Variants in CCN5 observed in about 807,000 individuals in gnomAD.
CCN5 encodes the protein CCN family member 5.
CCN5 carries 17 observed loss-of-function variants against 18.7 expected under a neutral mutation model. That is an observed-to-expected ratio of 0.91 (90% confidence interval 0.62 to 1.36). The LOEUF (loss-of-function observed/expected upper bound fraction) is 1.36. Among genes scored for constraint, CCN5 ranks in the 40% most tolerant of loss-of-function variants. CCN5 has a pLI of 0.00. For missense variants in CCN5, 367 were observed against 342.9 expected, an observed-to-expected ratio of 1.07 and a Z score of -0.56; for synonymous variants, 135 against 145.2, an observed-to-expected ratio of 0.93 and a Z score of 0.50.
Position 44,715,444 on chromosome 20 carries a change from C to T in CCN5, c.54C>T (p.Leu18=), listed in dbSNP as rs764095479. 9.4e-6 allele frequency: 15 copies of T among 1,594,518 alleles called. No homozygotes were observed. The African/African-American group carries it at 1.7e-4, about 19-fold the overall frequency. Residue 18 remains leucine, a synonymous_variant, in exon 1 of 4, where the codon CTC becomes CTT. Transcript: ENST00000190983. ...TGGCCTTCTCCCTCCTCTGCCTCCT[C>T]TCAAAGGTAAGGAGGCCCGGGCCCT... is the stretch of plus-strand genomic sequence containing the variant. ...HLLAFSLLCL[L]SKVRTQLCPT... is the part of the protein sequence containing the mutation.
chr20:44,724,952 C>A lies in CCN5; in HGVS notation c.492C>A (p.Gly164=). ...LGKCCPEWVC[G]QGGGLGTQPL... The stretch of plus-strand genomic sequence containing the variant: ...AGTGCTGCCCTGAGTGGGTGTGCGG[C>A]CAAGGAGGGGGACTGGGGACCCAGC... The change falls in exon 3 of 4, where the codon GGC becomes GGA. Residue 164 remains glycine, a synonymous_variant. Coordinates refer to ENST00000190983, the MANE Select transcript of CCN5 (RefSeq NM_003881.4). 1 of 1,596,514 alleles carries A rather than the reference C, an allele frequency of 6.3e-7. No homozygotes were observed. Among genetic ancestry groups the A allele is most frequent in the Non-Finnish European group, 8.5e-7 (1 of 1,172,826 alleles).
chr20:44,722,014 C>T (rs1410412072), intron 2 of CCN5, among the ~76,000 whole-genome samples: 1 of 152,204 alleles, frequency 6.6e-6, no homozygotes, highest in Non-Finnish European at 1.5e-5. Context: ...AGGGATTTTT[C>T]TTATTCCATC....
At chr20:44,725,411 C>G (rs1467298721) in intron 3 of CCN5, among the ~76,000 whole-genome samples, 1 of 151,932 alleles carries the variant, frequency 6.6e-6, no homozygotes, top group East Asian at 1.9e-4. Flanking sequence ...GCACTCCAGC[C>G]TGGCCGACAA....
intron 3 of CCN5, 81 bp downstream of exon 3, chr20:44,725,073 C>G (rs952304776): frequency 2.1e-6 from 3 of 1,430,466 alleles, no homozygotes; most frequent in African/African-American, 1.4e-5. Flanking sequence ...TGGGGGGCGG[C>G]TTCCTGGGTA....
intron 1 of CCN5, 38 bp downstream of exon 1, chr20:44,715,488 T>A: frequency 6.4e-7 from 1 of 1,568,066 alleles, no homozygotes; most frequent in Non-Finnish European, 8.7e-7. Flanking sequence ...CTGCTGACTA[T>A]TTGGGTGTGG....
intron 1 of CCN5, among the ~76,000 whole-genome samples, chr20:44,717,585 T>C (rs973076203): frequency 6.6e-6 from 1 of 152,096 alleles, no homozygotes; most frequent in African/African-American, 2.4e-5. Context: ...TTTATGAAAA[T>C]GCAGATTCGG....
At chr20:44,719,466 G>A (rs1340601987) in intron 1 of CCN5, among the ~76,000 whole-genome samples, 1 of 152,128 alleles carries the variant, frequency 6.6e-6, no homozygotes, top group African/African-American at 2.4e-5. Context: ...ACCAGCCTGG[G>A]TAACATGGTG....
At position 44,727,673 on chromosome 20, in the gene CCN5, T is replaced by C. The variant is rs1353126894; in HGVS notation, c.*366T>C. 3 of 549,194 alleles carry C rather than the reference T, an allele frequency of 5.5e-6. No individual in the cohort carries two copies. The highest frequency in any genetic ancestry group is 3.9e-5 in the African/African-American group (2 of 51,338). 34.0% of individuals were successfully genotyped at this position (549,194 alleles called of 1,614,324 possible). On this transcript the variant is annotated 3_prime_UTR_variant, in exon 4 of 4. Transcript: ENST00000190983. ...AGATGGGACAAGCAGTCCCTTAATA[T>C]TGAGGCTGCAGCAGGTGCTGGGCTG... is the stretch of plus-strand genomic sequence containing the variant.
chr20:44,720,217 G>A (rs2065889983), intron 2 of CCN5, 104 bp downstream of exon 2: 12 of 1,230,862 alleles, frequency 9.7e-6, no homozygotes, highest in Admixed American at 2.3e-5. Flanking sequence ...CTCCTTGGGT[G>A]CTCACTTCAG....
Position 44,727,515 on chromosome 20 carries a change from C to A in CCN5, c.*208C>A. ...ATGGCAGAGGTGCAAGACCTAGTCC[C>A]CTTTCCTCTAACTCACTGCCTAGGA... On this transcript the variant is annotated 3_prime_UTR_variant, in exon 4 of 4. Transcript: ENST00000190983. The A allele has an allele frequency of 1.4e-6, 2 of 1,388,788 alleles. No homozygotes were observed. Among genetic ancestry groups the A allele is most frequent in the African/African-American group, 3.0e-5 (2 of 67,354 alleles). 86.0% of individuals were successfully genotyped at this position (1,388,788 alleles called of 1,614,324 possible).
chr20:44,718,194 C>T (rs1443917334), intron 1 of CCN5, among the ~76,000 whole-genome samples: 1 of 152,184 alleles, frequency 6.6e-6, no homozygotes, highest in African/African-American at 2.4e-5. Context: ...TTGTGGCCCC[C>T]ACCAGAGGCT....
intron 3 of CCN5, among the ~76,000 whole-genome samples, chr20:44,725,309 G>T (rs2065929260): frequency 6.6e-6 from 1 of 152,098 alleles, no homozygotes; most frequent in Non-Finnish European, 1.5e-5. Context: ...ATGGTGGCGG[G>T]CATCTGTAGT....
intron 3 of CCN5, 126 bp downstream of exon 3, chr20:44,725,118 G>T (rs1241398417): frequency 6.1e-6 from 8 of 1,303,386 alleles, no homozygotes; most frequent in Non-Finnish European, 8.0e-6. Context: ...GCTGGGAGGG[G>T]CGGAGGCTGA....
chr20:44,724,745 GGAC>G lies in CCN5; in HGVS notation c.289_291del (p.Asp97del), dbSNP rs1489850898. ...GCGGTTTTTCCTCCGCAGTGGCAGA[GGAC>G]GACAGCAGCTGTGAGGTGAACGGCC... On this transcript the variant is annotated inframe_deletion, in exon 3 of 4. Transcript: ENST00000190983. 6.2e-7 allele frequency: 1 copy of G among 1,612,786 alleles called. No individual in the cohort carries two copies. The highest frequency in any genetic ancestry group is 8.5e-7 in the Non-Finnish European group (1 of 1,179,814).
chr20:44,724,378 G>C, intron 2 of CCN5: 1 of 286,954 alleles, frequency 3.5e-6, no homozygotes, highest in Non-Finnish European at 6.5e-6. Flanking sequence ...TGATCATTAC[G>C]CCTATCATTC....
intron 3 of CCN5, among the ~76,000 whole-genome samples, chr20:44,725,225 G>C (rs1600996591): frequency 6.6e-6 from 1 of 151,934 alleles, no homozygotes; most frequent in Non-Finnish European, 1.5e-5. Context: ...ATCACCTGAG[G>C]TTAGGAATTC....
At chr20:44,724,552 C>T (rs1568881335) in intron 2 of CCN5, 186 bp from the exon 3 acceptor site, 3 of 844,676 alleles carry the variant, frequency 3.6e-6, no homozygotes, top group Non-Finnish European at 5.3e-6. Flanking sequence ...ATCCCTGTGC[C>T]GGGATCCAGG....
intron 3 of CCN5, 113 bp from the exon 4 acceptor site, chr20:44,726,974 G>C: frequency 2.0e-6 from 2 of 1,022,460 alleles, no homozygotes; most frequent in Non-Finnish European, 2.8e-6. Context: ...AAGAAACTGA[G>C]ATGCAGAGAG....
At chr20:44,720,211 T>C (rs2065889958) in intron 2 of CCN5, 98 bp downstream of exon 2, 3 of 1,295,856 alleles carry the variant, frequency 2.3e-6, no homozygotes, top group Non-Finnish European at 2.1e-6. Context: ...CTCTACCTCC[T>C]TGGGTGCTCA....
Sources: gnomAD v4.1 joint callset for allele counts (sites outside exome capture counted in the v4.1 genomes callset) on GRCh38, gnomAD v4.1.1 for gene constraint, MANE v1.5 for transcripts, NCBI Gene and HGNC (gene_info 2026-07-23, HGNC 2026-07-21) for gene names.